DCC: variants seen among roughly 807,000 people sequenced by gnomAD.
DCC encodes netrin receptor DCC.
Under a neutral mutation model 172.5 loss-of-function variants are expected in DCC, and 58 were observed. That is an observed-to-expected ratio of 0.34 (90% confidence interval 0.27 to 0.42). The LOEUF is 0.42. DCC is among the 10% of genes least tolerant of loss of function. The probability of loss-of-function intolerance (pLI) is 1.00; values close to 1 mark genes in which losing one functional copy is unlikely to be tolerated. For missense variants in DCC, 1,740 were observed against 1,791.0 expected (o/e 0.97, Z 0.51); for synonymous variants, 709 against 644.5 (o/e 1.10, Z -1.52).
chr18:53,033,343 T>C (rs2042049652), intron 5 of DCC, among the ~76,000 whole-genome samples: 1 of 152,120 alleles, frequency 6.6e-6, no homozygotes, highest in African/African-American at 2.4e-5. Flanking sequence ...TAACGGTGTT[T>C]GGTGATCTAA....
At chr18:53,381,643 A>G (rs1309395981) in intron 15 of DCC, among the ~76,000 whole-genome samples, 1 of 143,388 alleles carries the variant, frequency 7.0e-6, no homozygotes, top group Non-Finnish European at 1.5e-5. Flanking sequence ...TGACTATGGA[A>G]GACCAGACTT....
At chr18:52,751,994 A>C in intron 1 of DCC, 60 bp from the exon 2 acceptor site, 3 of 1,411,688 alleles carry the variant, frequency 2.1e-6, no homozygotes, top group Non-Finnish European at 3.0e-6. Flanking sequence ...AAGACAGGGA[A>C]TCTAAGCCTG....
chr18:52,844,781 TAGAG>T (rs780143021), intron 2 of DCC, among the ~76,000 whole-genome samples: 10 of 152,230 alleles, frequency 6.6e-5, no homozygotes, highest in Non-Finnish European at 1.3e-4. Context: ...CTTGTGAACT[TAGAG>T]AAAGGTAGGG....
At chr18:52,530,565 G>GC (rs1331264631) in intron 1 of DCC, among the ~76,000 whole-genome samples, 16 of 152,278 alleles carry the variant, frequency 1.1e-4, no homozygotes, top group African/African-American at 3.6e-4. Context: ...CATAGGAGGT[G>GC]CTTGGTAGGT....
chr18:52,487,604 A>G (rs2030290356), intron 1 of DCC, among the ~76,000 whole-genome samples: 1 of 152,094 alleles, frequency 6.6e-6, no homozygotes, highest in Non-Finnish European at 1.5e-5. Flanking sequence ...TGAGGTCAGG[A>G]GTTCAAGATT....
chr18:52,909,235 A>G (rs2039933264), intron 3 of DCC, among the ~76,000 whole-genome samples: 2 of 152,296 alleles, frequency 1.3e-5, no homozygotes, highest in South Asian at 2.1e-4. Flanking sequence ...AATTACATAT[A>G]TAATACATAT....
At chr18:52,627,744 G>C (rs147442574) in intron 1 of DCC, among the ~76,000 whole-genome samples, 47 of 152,318 alleles carry the variant, frequency 3.1e-4, no homozygotes, top group African/African-American at 1.1e-3. Context: ...GTCTTCACAG[G>C]CAAGTGTGGT....
intron 1 of DCC, among the ~76,000 whole-genome samples, chr18:52,428,069 G>A (rs755071888): frequency 2.6e-5 from 4 of 151,948 alleles, no homozygotes. Flanking sequence ...GAATGCTACT[G>A]TCCTTATCAA....
chr18:52,429,606 C>T (rs1462379974), intron 1 of DCC, among the ~76,000 whole-genome samples: 2 of 152,036 alleles, frequency 1.3e-5, no homozygotes, highest in African/African-American at 4.8e-5. Context: ...AGCAACAAGG[C>T]TTCTCTCACC....
intron 12 of DCC, among the ~76,000 whole-genome samples, chr18:53,300,947 G>A (rs915580796): frequency 2.9e-4 from 7 of 24,038 alleles, no homozygotes; most frequent in Non-Finnish European, 6.8e-4. Context: ...ATTATTTGAC[G>A]TTGGTTCTGG....
intron 1 of DCC, among the ~76,000 whole-genome samples, chr18:52,435,839 C>T (rs1361054135): frequency 1.3e-5 from 2 of 152,192 alleles, no homozygotes; most frequent in African/African-American, 4.8e-5. Flanking sequence ...GCATCAGTTT[C>T]TATCTGTGAG....
chr18:53,330,919 T>C (rs537506389), intron 14 of DCC, among the ~76,000 whole-genome samples: 33 of 152,316 alleles, frequency 2.2e-4, no homozygotes, highest in African/African-American at 7.9e-4. Flanking sequence ...TCTCGATATT[T>C]CACACAGTGC....
chr18:52,786,987 C>T (rs2037672636), intron 2 of DCC, among the ~76,000 whole-genome samples: 1 of 152,100 alleles, frequency 6.6e-6, no homozygotes. Context: ...GTTAAGAGTA[C>T]TCACAGATAG....
chr18:52,992,600 G>A (rs569727128), intron 5 of DCC, among the ~76,000 whole-genome samples: 6 of 152,172 alleles, frequency 3.9e-5, no homozygotes, highest in Non-Finnish European at 7.4e-5. Flanking sequence ...ATTCTTAATA[G>A]ATAAAGAGTT....
chr18:53,032,097 A>G (rs1426886987), intron 5 of DCC, among the ~76,000 whole-genome samples: 17 of 152,138 alleles, frequency 1.1e-4, no homozygotes, highest in Admixed American at 1.1e-3. Flanking sequence ...ACAGAAGACA[A>G]TGTCATCATC....
chr18:53,235,439 T>C (rs1188400908), intron 12 of DCC, among the ~76,000 whole-genome samples: 1 of 152,140 alleles, frequency 6.6e-6, no homozygotes, highest in African/African-American at 2.4e-5. Flanking sequence ...CCTAGAAAAA[T>C]AAGTCACTAT....
chr18:53,183,101 T>C (rs1174890088), intron 9 of DCC, among the ~76,000 whole-genome samples: 1 of 152,164 alleles, frequency 6.6e-6, no homozygotes, highest in Admixed American at 6.6e-5. Context: ...ACAAATTGAA[T>C]TTCAAGTTTT....
In DCC at chr18:52,404,790, C is replaced by G. The variant is rs544825317; in HGVS notation, c.91+63912C>G. Among the ~76,000 whole-genome samples, 524 of 149,262 alleles carry G rather than the reference C, an allele frequency of 3.5e-3. 5 individuals are homozygous for G. Among genetic ancestry groups the G allele is most frequent in the African/African-American group, 0.012 (504 of 40,576 alleles). On this transcript the variant is annotated intron_variant, in intron 1 of 28. Coordinates refer to ENST00000442544, the MANE Select transcript of DCC (RefSeq NM_005215.4). ...ACTCGTCATCTAGCATTAGGTATAT[C>G]TCCCAATGCTATCCCTCCCCCCTCC...
In DCC at chr18:52,729,134, G is replaced by A. The variant is rs1184630286; in HGVS notation, c.92-22920G>A. ...GTAAGCTTTACTGAAATAGGCAGTA[G>A]GTAGGGCTGAATTTAGTATTCTGTT... On this transcript the variant is annotated intron_variant, in intron 1 of 28. Transcript: ENST00000442544. Among the ~76,000 whole-genome samples the A allele has an allele frequency of 3.9e-5, 6 of 152,308 alleles. No homozygotes were observed. The South Asian group carries it at 1.2e-3, about 32-fold the overall frequency.
Sources: allele counts gnomAD v4.1 joint callset (sites outside exome capture counted in the v4.1 genomes callset), GRCh38; gene constraint gnomAD v4.1.1; transcripts MANE v1.5; gene names NCBI Gene and HGNC (gene_info 2026-07-23, HGNC 2026-07-21).